ABHD12B: variants seen among roughly 807,000 people sequenced by gnomAD.
ABHD12B encodes abhydrolase domain containing 12B, also known as protein ABHD12B.
A neutral mutation model predicts 50.4 loss-of-function variants in ABHD12B; 42 were observed. The ratio of observed to expected loss-of-function variants is 0.83; its 90% CI spans 0.65 to 1.08. The LOEUF (loss-of-function observed/expected upper bound fraction) is 1.08, where lower values mean the gene tolerates loss of function less well. ABHD12B is among the 50% of genes least tolerant of loss of function. ABHD12B has a pLI of 0.00. For synonymous variants in ABHD12B, 167 were observed against 160.3 expected (o/e 1.04, Z -0.32); for missense variants, 479 against 447.7 (o/e 1.07, Z -0.63).
At chr14:50,895,370 A>G (rs1207889060) in intron 9 of ABHD12B, among the ~76,000 whole-genome samples, 3 of 152,056 alleles carry the variant, frequency 2.0e-5, no homozygotes, top group Admixed American at 2.0e-4. Flanking sequence ...CATCTCCAGC[A>G]CACAAGAACT....
At chr14:50,886,795 A>C in intron 8 of ABHD12B, 111 bp downstream of exon 8, 4 of 920,564 alleles carry the variant, frequency 4.3e-6, no homozygotes, top group Non-Finnish European at 1.6e-6. Flanking sequence ...AAGCATCCCA[A>C]CTTTAGATGG....
At chr14:50,884,916 A>C (rs1412860970) in intron 5 of ABHD12B, among the ~76,000 whole-genome samples, 1 of 152,084 alleles carries the variant, frequency 6.6e-6, no homozygotes, top group Non-Finnish European at 1.5e-5. Flanking sequence ...TTATGTTTTC[A>C]TTATTCATAT....
At chr14:50,880,671 A>T (rs555224167) in intron 4 of ABHD12B, 100 bp downstream of exon 4, 1 of 1,276,814 alleles carries the variant, frequency 7.8e-7, no homozygotes, top group Non-Finnish European at 1.0e-6. Flanking sequence ...CTCTGTAGGC[A>T]TGCCTTCACA....
intron 1 of ABHD12B, among the ~76,000 whole-genome samples, chr14:50,877,151 C>T (rs2049874569): frequency 6.6e-6 from 1 of 152,196 alleles, no homozygotes; most frequent in Non-Finnish European, 1.5e-5. Flanking sequence ...AGCCCTGTGC[C>T]TCATGGGTCC....
chr14:50,878,723 G>A, intron 2 of ABHD12B, 22 bp from the exon 3 acceptor site: 1 of 1,578,894 alleles, frequency 6.3e-7, no homozygotes, highest in Non-Finnish European at 8.7e-7. Context: ...TCTTGAAGTT[G>A]ATAATGATTT....
At chr14:50,875,999 G>A (rs1004998383) in intron 1 of ABHD12B, among the ~76,000 whole-genome samples, 4 of 152,148 alleles carry the variant, frequency 2.6e-5, no homozygotes, top group Non-Finnish European at 4.4e-5. Flanking sequence ...GCCAGCAGGA[G>A]CCAGCAGCTG....
intron 3 of ABHD12B, 121 bp from the exon 4 acceptor site, chr14:50,880,331 C>T: frequency 9.4e-7 from 1 of 1,060,894 alleles, no homozygotes; most frequent in Non-Finnish European, 1.2e-6. Flanking sequence ...TTGCCATGTG[C>T]ATATATTAGT....
chr14:50,894,118 G>T (rs1325733748), intron 9 of ABHD12B, among the ~76,000 whole-genome samples: 6 of 150,216 alleles, frequency 4.0e-5, no homozygotes, highest in Admixed American at 6.6e-5. Flanking sequence ...TTCTCTCCTT[G>T]TCTCTACCCC....
intron 5 of ABHD12B, among the ~76,000 whole-genome samples, chr14:50,884,226 T>C (rs1364453930): frequency 6.6e-6 from 1 of 152,224 alleles, no homozygotes; most frequent in Non-Finnish European, 1.5e-5. Flanking sequence ...AATGAATTCT[T>C]AAGAGTAGGG....
At chr14:50,872,316 C>T (rs2049797090) in intron 1 of ABHD12B, 38 bp downstream of exon 1, 2 of 1,241,986 alleles carry the variant, frequency 1.6e-6, no homozygotes, top group Non-Finnish European at 2.0e-6. Context: ...CGGGCCCCGA[C>T]GGCTCAGGCT....
intron 1 of ABHD12B, among the ~76,000 whole-genome samples, chr14:50,875,304 G>C (rs2049845747): frequency 6.6e-6 from 1 of 152,210 alleles, no homozygotes; most frequent in East Asian, 1.9e-4. Context: ...CCGGTGCTTG[G>C]TGACAAACAC....
At chr14:50,873,705 G>A (rs1370691825) in intron 1 of ABHD12B, among the ~76,000 whole-genome samples, 3 of 152,236 alleles carry the variant, frequency 2.0e-5, no homozygotes, top group Non-Finnish European at 4.4e-5. Context: ...TTCTGGGAAC[G>A]TTGACATCTA....
At chr14:50,897,231 C>G (rs377195979) in intron 9 of ABHD12B, among the ~76,000 whole-genome samples, 1 of 151,992 alleles carries the variant, frequency 6.6e-6, no homozygotes, top group Non-Finnish European at 1.5e-5. Flanking sequence ...TGCCAACACA[C>G]CTGGTTAATT....
chr14:50,873,287 A>G (rs1370084850), intron 1 of ABHD12B, among the ~76,000 whole-genome samples: 1 of 151,702 alleles, frequency 6.6e-6, no homozygotes, highest in Non-Finnish European at 1.5e-5. Context: ...CAGTGGCACA[A>G]TCTTGGCTCA....
At chr14:50,892,439 G>A (rs1405074897) in intron 9 of ABHD12B, 1 of 985,318 alleles carries the variant, frequency 1.0e-6, no homozygotes, top group African/African-American at 1.7e-5. Flanking sequence ...TTGAAGCAAA[G>A]GGCCTGTTGT....
At chr14:50,875,860 C>T (rs1203014077) in intron 1 of ABHD12B, among the ~76,000 whole-genome samples, 2 of 152,228 alleles carry the variant, frequency 1.3e-5, no homozygotes, top group Non-Finnish European at 2.9e-5. Flanking sequence ...TTTCCCTCTA[C>T]TGCCTCTGCT....
intron 1 of ABHD12B, among the ~76,000 whole-genome samples, chr14:50,873,220 CTCTT>C (rs1433394004): frequency 1.3e-5 from 2 of 151,390 alleles, no homozygotes; most frequent in Non-Finnish European, 2.9e-5. Flanking sequence ...CTCTCTCTCT[CTCTT>C]TTTTTTTTCT....
In ABHD12B at chr14:50,880,453, C is replaced by A. The variant is rs776470941; in HGVS notation, c.337C>A (p.His113Asn). 1.5e-5 allele frequency: 24 copies of A among 1,601,758 alleles called. No individual in the cohort carries two copies. The highest frequency in any genetic ancestry group is 1.8e-5 in the Non-Finnish European group (21 of 1,175,086). ...GTTTAAACCTCCCTTGCTCTTCAGG[C>A]ACACAGTCCCCAGCTGCCGGGGGGA... Reference protein sequence around the residue: ...VEPGVMLGIWHTVPSCRGEDA... With the variant: ...VEPGVMLGIWNTVPSCRGEDA... The change falls in exon 4 of 13, where the codon CAC (histidine) becomes AAC (asparagine). Residue 113 changes from histidine to asparagine, a missense_variant and splice_region_variant. Physicochemically the swap from His to Asn is moderately conservative, Grantham distance 68 (BLOSUM62 1). Coordinates refer to ENST00000337334, the MANE Select transcript of ABHD12B (RefSeq NM_001206673.2).
At chr14:50,886,603 A>AC in intron 7 of ABHD12B, 44 bp from the exon 8 acceptor site, 1 of 1,578,804 alleles carries the variant, frequency 6.3e-7, no homozygotes, top group Non-Finnish European at 8.7e-7. Context: ...TGCATTTTGT[A>AC]CTGTTATTGC....
Sources: gnomAD v4.1 joint callset for allele counts (sites outside exome capture counted in the v4.1 genomes callset) on GRCh38, gnomAD v4.1.1 for gene constraint, MANE v1.5 for transcripts, NCBI Gene and HGNC (gene_info 2026-07-23, HGNC 2026-07-21) for gene names.